The following SETBP1 variants were observed in gnomAD, a reference collection of about 807,000 sequenced individuals.
SETBP1 encodes SET binding protein 1.
In SETBP1, 9 loss-of-function variants were observed where a neutral mutation model predicts 101.0. The ratio of observed to expected loss-of-function variants is 0.09; its 90% CI spans 0.05 to 0.16. The LOEUF is 0.16. Among genes scored for constraint, SETBP1 ranks in the 10% least tolerant of loss-of-function variants. SETBP1 has a pLI of 1.00. For missense variants in SETBP1, 1,858 were observed against 2,033.8 expected, an observed-to-expected ratio of 0.91 and a Z score of 1.66; for synonymous variants, 818 against 788.5, an observed-to-expected ratio of 1.04 and a Z score of -0.63.
chr18:45,033,727 A>G (rs1438753334), intron 4 of SETBP1, among the ~76,000 whole-genome samples: 1 of 152,222 alleles, frequency 6.6e-6, no homozygotes, highest in Non-Finnish European at 1.5e-5. Flanking sequence ...TCTGCAGCGG[A>G]TGTTACAAAA....
intron 3 of SETBP1, among the ~76,000 whole-genome samples, chr18:44,883,476 C>A (rs2069576235): frequency 6.6e-6 from 1 of 152,184 alleles, no homozygotes; most frequent in Admixed American, 6.5e-5. Context: ...ACTCCACTTT[C>A]CTTAAATATG....
chr18:44,817,571 G>A (rs1355233795), intron 2 of SETBP1, among the ~76,000 whole-genome samples: 1 of 151,814 alleles, frequency 6.6e-6, no homozygotes, highest in Non-Finnish European at 1.5e-5. Context: ...TGTAATCCCA[G>A]CTAATCGGGA....
At chr18:45,034,420 T>C (rs145279980) in intron 4 of SETBP1, among the ~76,000 whole-genome samples, 2 of 152,064 alleles carry the variant, frequency 1.3e-5, no homozygotes, top group African/African-American at 2.4e-5. Flanking sequence ...AAGTCCCTAA[T>C]GCAAACACGG....
intron 4 of SETBP1, among the ~76,000 whole-genome samples, chr18:44,963,324 A>T (rs2071650774): frequency 3.3e-5 from 5 of 152,166 alleles, no homozygotes; most frequent in African/African-American, 4.8e-5. Context: ...TTTTACATAC[A>T]AAGGGAGCTC....
chr18:44,797,115 G>C (rs941923164), intron 2 of SETBP1, among the ~76,000 whole-genome samples: 7 of 152,180 alleles, frequency 4.6e-5, no homozygotes, highest in African/African-American at 1.7e-4. Context: ...CTTAACCAGA[G>C]ATGTTCAGCA....
At position 44,899,049 on chromosome 18, in the gene SETBP1, G is replaced by A. The variant is rs540234517; in HGVS notation, c.540+29766G>A. On this transcript the variant is annotated intron_variant, in intron 3 of 5. Coordinates refer to ENST00000649279, the MANE Select transcript of SETBP1 (RefSeq NM_015559.3). The stretch of plus-strand genomic sequence containing the variant: ...TCGGGAGATACTGGGTTCTAGTCTG[G>A]GGTCCTCCATGAATTTTTAAGTGAC... Among the ~76,000 whole-genome samples the A allele has an allele frequency of 3.9e-5, 6 of 152,184 alleles. No homozygotes were observed. In the East Asian group the frequency reaches 1.2e-3, roughly 29 times the overall value.
chr18:45,057,481 G>T (rs2073828505), intron 5 of SETBP1, among the ~76,000 whole-genome samples: 1 of 152,150 alleles, frequency 6.6e-6, no homozygotes, highest in Non-Finnish European at 1.5e-5. Flanking sequence ...AGGTACTGCT[G>T]TATCAATGGG....
At chr18:45,045,542 A>T (rs1000426524) in intron 5 of SETBP1, among the ~76,000 whole-genome samples, 1 of 151,290 alleles carries the variant, frequency 6.6e-6, no homozygotes, top group Non-Finnish European at 1.5e-5. Flanking sequence ...GCCCAAAGGG[A>T]CTTGTCTCCT....
intron 2 of SETBP1, among the ~76,000 whole-genome samples, chr18:44,812,630 C>G (rs553475036): frequency 3.3e-5 from 5 of 152,138 alleles, no homozygotes; most frequent in Non-Finnish European, 5.9e-5. Flanking sequence ...ATCTCTGCCT[C>G]TCTCCTGTGG....
chr18:44,970,576 A>T (rs1036631116), intron 4 of SETBP1, among the ~76,000 whole-genome samples: 1 of 151,548 alleles, frequency 6.6e-6, no homozygotes, highest in East Asian at 1.9e-4. Context: ...TTTGGAACAG[A>T]GTGTTGCTCT....
intron 1 of SETBP1, among the ~76,000 whole-genome samples, chr18:44,696,907 T>A (rs184047849): frequency 6.6e-6 from 1 of 152,352 alleles, no homozygotes; most frequent in East Asian, 1.9e-4. Context: ...CTTGCCCTTT[T>A]GTTTGCCTGG....
intron 4 of SETBP1, among the ~76,000 whole-genome samples, chr18:44,972,688 G>C (rs1433727025): frequency 6.6e-6 from 1 of 152,090 alleles, no homozygotes; most frequent in East Asian, 1.9e-4. Flanking sequence ...GTCTGTTATT[G>C]GTGTTTAAGA....
chr18:44,949,231 TTCATACTTCTC>T (rs1414055133), intron 3 of SETBP1, among the ~76,000 whole-genome samples: 1 of 152,214 alleles, frequency 6.6e-6, no homozygotes, highest in African/African-American at 2.4e-5. Flanking sequence ...CCATGCAGGC[TTCATACTTCTC>T]TCCTTAATTC....
At chr18:44,784,782 A>G (rs1345272349) in intron 2 of SETBP1, among the ~76,000 whole-genome samples, 3 of 152,216 alleles carry the variant, frequency 2.0e-5, no homozygotes, top group African/African-American at 7.2e-5. Flanking sequence ...GCTCAAGAGT[A>G]CGTAGTCAAT....
chr18:44,952,555 C>T lies in SETBP1; in HGVS notation c.3215C>T (p.Pro1072Leu), dbSNP rs2071384580. The change falls in exon 4 of 6, where the codon CCT becomes CTT. Residue 1072 changes from proline to leucine, a missense_variant. Pro to Leu is a moderately conservative substitution (Grantham distance 98). Transcript: ENST00000649279. Reference sequence around the variant, plus strand: ...GGTTATTACGGTCAGTACCCAGCTCCTTTGTACCTATCGCACACGCTTGGA... The same window carrying T: ...GGTTATTACGGTCAGTACCCAGCTCTTTTGTACCTATCGCACACGCTTGGA... ...NLGYYGQYPA[P>L]LYLSHTLGAA... The T allele has an allele frequency of 1.2e-6, 2 of 1,614,024 alleles. No homozygotes were observed. Among genetic ancestry groups the T allele is most frequent in the Admixed American group, 3.3e-5 (2 of 60,006 alleles).
At chr18:44,698,567 G>A (rs1316630477) in intron 1 of SETBP1, among the ~76,000 whole-genome samples, 2 of 152,096 alleles carry the variant, frequency 1.3e-5, no homozygotes, top group Non-Finnish European at 2.9e-5. Context: ...TCTCTGCTAC[G>A]TCTTCCTTCT....
chr18:45,064,739 A>G lies in SETBP1; in HGVS notation c.*1041A>G, dbSNP rs570150071. On this transcript the variant is annotated 3_prime_UTR_variant, in exon 6 of 6. Coordinates refer to ENST00000649279, the MANE Select transcript of SETBP1 (RefSeq NM_015559.3). Reference sequence around the variant, plus strand: ...CAAAAACTGAAACCCCAGACCCACCAGAAAGACAAGTGTCTAGCAATGCCT... The same window carrying G: ...CAAAAACTGAAACCCCAGACCCACCGGAAAGACAAGTGTCTAGCAATGCCT... The G allele has an allele frequency of 2.0e-5, 3 of 151,894 alleles. No homozygotes were observed. In the South Asian group the frequency reaches 6.3e-4, roughly 32 times the overall value. 9.4% of individuals were successfully genotyped at this position (151,894 alleles called of 1,614,324 possible).
intron 2 of SETBP1, among the ~76,000 whole-genome samples, chr18:44,789,121 T>A (rs2071314032): frequency 1.3e-5 from 2 of 152,136 alleles, no homozygotes; most frequent in African/African-American, 4.8e-5. Context: ...TTTTAAAACA[T>A]GATTTAAAGT....
At chr18:44,710,951 G>A (rs1243705545) in intron 2 of SETBP1, among the ~76,000 whole-genome samples, 4 of 152,142 alleles carry the variant, frequency 2.6e-5, no homozygotes, top group Non-Finnish European at 4.4e-5. Context: ...CAGGAGTTAA[G>A]TAGACCCAGG....
Sources: gnomAD v4.1 joint callset for allele counts (sites outside exome capture counted in the v4.1 genomes callset) on GRCh38, gnomAD v4.1.1 for gene constraint, MANE v1.5 for transcripts, NCBI Gene and HGNC (gene_info 2026-07-23, HGNC 2026-07-21) for gene names.